RAB39A: variants seen among roughly 807,000 people sequenced by gnomAD.
RAB39A encodes RAB39A, member RAS oncogene family.
In RAB39A, 17 loss-of-function variants were observed where a neutral mutation model predicts 20.9. That is an observed-to-expected ratio of 0.81 (90% CI 0.56 to 1.22). The LOEUF (loss-of-function observed/expected upper bound fraction) is 1.22. RAB39A is among the 50% of genes most tolerant of loss of function. The probability of loss-of-function intolerance (pLI) is 0.00; values close to 1 mark genes in which losing one functional copy is unlikely to be tolerated. For synonymous variants in RAB39A, 99 were observed against 103.4 expected (o/e 0.96, Z 0.26); for missense variants, 234 against 270.5 (o/e 0.87, Z 0.95).
intron 1 of RAB39A, among the ~76,000 whole-genome samples, chr11:107,932,375 G>T (rs538606592): frequency 4.1e-4 from 62 of 152,302 alleles, no homozygotes; most frequent in Non-Finnish European, 8.5e-4. Context: ...GGTCCAAGTT[G>T]GTGGAGTGGT....
intron 1 of RAB39A, among the ~76,000 whole-genome samples, chr11:107,955,008 T>A (rs979659578): frequency 1.4e-4 from 20 of 141,012 alleles, no homozygotes; most frequent in African/African-American, 4.0e-4. Context: ...TTTTTTTTTT[T>A]TTTTTTGAGA....
intron 1 of RAB39A, among the ~76,000 whole-genome samples, chr11:107,946,341 C>CAT (rs1565464117): frequency 2.2e-5 from 3 of 135,332 alleles, no homozygotes; most frequent in African/African-American, 8.7e-5. Flanking sequence ...CACACACACA[C>CAT]ACATATATAT....
intron 1 of RAB39A, among the ~76,000 whole-genome samples, chr11:107,961,130 C>T (rs566511921): frequency 1.3e-5 from 2 of 152,288 alleles, no homozygotes; most frequent in South Asian, 4.1e-4. Context: ...CTGCTGTCTT[C>T]GTGAGTTTGG....
intron 1 of RAB39A, among the ~76,000 whole-genome samples, chr11:107,955,257 A>G (rs1038245368): frequency 3.9e-5 from 6 of 152,016 alleles, no homozygotes; most frequent in African/African-American, 1.2e-4. Flanking sequence ...TCAGCCTCCC[A>G]AAGTGCTGGG....
rs530275615 is a variant in RAB39A, at chr11:107,935,284, C to T, written c.227+6489C>T. Among the ~76,000 whole-genome samples the T allele has an allele frequency of 5.3e-5, 8 of 152,116 alleles. No individual in the cohort carries two copies. In the South Asian group the frequency reaches 1.0e-3, roughly 20 times the overall value. On this transcript the variant is annotated intron_variant, in intron 1 of 1. Coordinates refer to ENST00000320578, the MANE Select transcript of RAB39A (RefSeq NM_017516.3). ...ACGTACCTGAAAGTAGCAGGAGGAA[C>T]GCATCCGCCCTAGGTACAATGCTTG...
At chr11:107,936,037 T>C (rs186605403) in intron 1 of RAB39A, among the ~76,000 whole-genome samples, 1 of 151,664 alleles carries the variant, frequency 6.6e-6, no homozygotes, top group East Asian at 2.0e-4. Flanking sequence ...GTAGCTGGGA[T>C]TACAGGTGTG....
At chr11:107,946,418 GTGTGTGTGTGTGTGTGTGTATATA>G (rs1236454718) in intron 1 of RAB39A, among the ~76,000 whole-genome samples, 33 of 14,308 alleles carry the variant, frequency 2.3e-3, no homozygotes, top group African/African-American at 3.0e-3. Context: ...GTGTGTGTGT[GTGTGTGTGTGTGTGTGTGTATATA>G]TATATATATA....
chr11:107,938,037 T>C (rs1015435855), intron 1 of RAB39A, among the ~76,000 whole-genome samples: 1 of 152,118 alleles, frequency 6.6e-6, no homozygotes, highest in African/African-American at 2.4e-5. Context: ...CCAAAGTGTC[T>C]ATTTTATGGT....
chr11:107,940,962 A>G (rs778901840), intron 1 of RAB39A, among the ~76,000 whole-genome samples: 8 of 151,940 alleles, frequency 5.3e-5, no homozygotes, highest in Non-Finnish European at 8.8e-5. Context: ...ACAGAGCAAG[A>G]GTCCATCTCA....
At chr11:107,932,243 T>C (rs529057397) in intron 1 of RAB39A, among the ~76,000 whole-genome samples, 9 of 152,216 alleles carry the variant, frequency 5.9e-5, no homozygotes, top group African/African-American at 2.2e-4. Flanking sequence ...AAAATCCAAG[T>C]GAAAAAGATT....
rs144777459 is a variant in RAB39A, at chr11:107,959,950, G to A, written c.228-1996G>A. ...TCCAATATTGGCCGCGGTGGCTCACGCCTGTAATCCTAGCACTTTGGGAGG... is the reference window on the plus strand; with the variant it reads ...TCCAATATTGGCCGCGGTGGCTCACACCTGTAATCCTAGCACTTTGGGAGG... On this transcript the variant is annotated intron_variant, in intron 1 of 1. Transcript: ENST00000320578. Among the ~76,000 whole-genome samples the A allele has an allele frequency of 3.7e-4, 57 of 152,266 alleles. 2 individuals are homozygous for A. The East Asian group carries it at 0.01, about 27-fold the overall frequency.
intron 1 of RAB39A, among the ~76,000 whole-genome samples, chr11:107,946,434 G>A (rs12226884): frequency 0.055 from 1,132 of 20,718 alleles, 19 homozygotes; most frequent in African/African-American, 0.088. Flanking sequence ...GTGTGTGTGT[G>A]TGTATATATA....
chr11:107,951,094 G>A (rs1861373769), intron 1 of RAB39A, among the ~76,000 whole-genome samples: 1 of 152,146 alleles, frequency 6.6e-6, no homozygotes, highest in Non-Finnish European at 1.5e-5. Context: ...AAAGATCCTG[G>A]AGTTACACAA....
At chr11:107,955,035 C>T (rs61906954) in intron 1 of RAB39A, among the ~76,000 whole-genome samples, 1,626 of 131,432 alleles carry the variant, frequency 0.012, 20 homozygotes, top group Non-Finnish European at 0.018. Flanking sequence ...CTCGTTCTGT[C>T]GCCCAGGCTG....
At chr11:107,957,318 C>A (rs1831519759) in intron 1 of RAB39A, among the ~76,000 whole-genome samples, 1 of 151,804 alleles carries the variant, frequency 6.6e-6, no homozygotes, top group African/African-American at 2.4e-5. Context: ...TGGCATAAGC[C>A]TCAAAGGAGC....
chr11:107,928,538 G>A lies in RAB39A; in HGVS notation c.-31G>A. ...CCGCCGAACTTAGCCCGCGGGTGGG[G>A]CGGCCCGGGAGCCAGCGGGGCACGT... On this transcript the variant is annotated 5_prime_UTR_variant, in exon 1 of 2. Coordinates refer to ENST00000320578, the MANE Select transcript of RAB39A (RefSeq NM_017516.3). The surrounding 1 kb of genome is among the most constrained non-coding windows in gnomAD (Gnocchi z 4.9). 1 of 1,403,290 alleles carries A rather than the reference G, an allele frequency of 7.1e-7. No homozygotes were observed. Among genetic ancestry groups the A allele is most frequent in the Non-Finnish European group, 9.4e-7 (1 of 1,059,162 alleles). 86.9% of individuals were successfully genotyped at this position (1,403,290 alleles called of 1,614,324 possible). A position where few individuals can be genotyped will look rare whatever the true frequency, so the allele number is the denominator to read the frequency against.
At chr11:107,938,359 CAAAAA>C (rs58613355) in intron 1 of RAB39A, among the ~76,000 whole-genome samples, 3 of 63,376 alleles carry the variant, frequency 4.7e-5, no homozygotes, top group Admixed American at 2.2e-4. Context: ...GACTCCGTCT[CAAAAA>C]AAAAAAAAAA....
Position 107,947,108 on chromosome 11 carries a change from AT to A in RAB39A, c.228-14827del, listed in dbSNP as rs1171520701. Among the ~76,000 whole-genome samples the A allele has an allele frequency of 1.3e-3, 188 of 147,334 alleles. 2 individuals are homozygous for A. The highest frequency in any genetic ancestry group is 4.3e-3 in the African/African-American group (172 of 40,268). On this transcript the variant is annotated intron_variant, in intron 1 of 1. Coordinates refer to ENST00000320578, the MANE Select transcript of RAB39A (RefSeq NM_017516.3). ...GTGACTTAGAAAATAGAAAAAGATG[AT>A]TTTTTTTTTTGAGACAGAGTCTCAC...
intron 1 of RAB39A, among the ~76,000 whole-genome samples, chr11:107,931,059 C>T (rs192359537): frequency 1.3e-4 from 20 of 150,528 alleles, no homozygotes; most frequent in Non-Finnish European, 2.4e-4. Context: ...TCACTGCAAA[C>T]TCCGCCTCCC....
Sources: allele counts gnomAD v4.1 joint callset (sites outside exome capture counted in the v4.1 genomes callset), GRCh38; gene constraint gnomAD v4.1.1; non-coding constraint Gnocchi (gnomAD v3.1); transcripts MANE v1.5; gene names NCBI Gene and HGNC (gene_info 2026-07-23, HGNC 2026-07-21).